CNTNAP3B: variants seen among roughly 807,000 people sequenced by gnomAD.
CNTNAP3B encodes the protein contactin associated protein family member 3B, also known as contactin-associated protein-like 3B.
CNTNAP3B carries 25 observed loss-of-function variants against 108.9 expected under a neutral mutation model. The ratio of observed to expected loss-of-function variants is 0.23; its 90% CI spans 0.17 to 0.32. CNTNAP3B has a LOEUF of 0.32. Ranked by LOEUF, CNTNAP3B falls within the 10% of genes least tolerant of loss-of-function variation. The pLI is 1.00. For missense variants in CNTNAP3B, 252 were observed against 1,210.4 expected (o/e 0.21, Z 11.75); for synonymous variants, 103 against 473.4 (o/e 0.22, Z 10.16).
At chr9:41,933,209 C>G (rs1269984190) in intron 14 of CNTNAP3B, among the ~76,000 whole-genome samples, 1 of 152,336 alleles carries the variant, frequency 6.6e-6, no homozygotes, top group East Asian at 1.9e-4. Context: ...ATATTTTGGG[C>G]TAATTTTTTT....
rs1470658892 is a variant in CNTNAP3B at position 41,944,668 on chromosome 9, A to G, written c.2081-6268T>C. 5.3e-5 allele frequency among the ~76,000 whole-genome samples: 8 copies of G among 151,788 alleles called. No homozygotes were observed. In the East Asian group the frequency reaches 9.8e-4, roughly 19 times the overall value. On this transcript the variant is annotated intron_variant, in intron 13 of 23. Coordinates refer to ENST00000377561, the MANE Select transcript of CNTNAP3B (RefSeq NM_001201380.3). ...GCAACAAATAAAAAAGAGTTACAAT[A>G]TGGCAAATATTAATCCAAGTATCAA...
rs540003985 is a variant in CNTNAP3B at position 41,991,115 on chromosome 9, G to A, written c.1333+495C>T. Among the ~76,000 whole-genome samples, 7 of 129,120 alleles carry A rather than the reference G, an allele frequency of 5.4e-5. 2 individuals carry two copies. In the East Asian group the frequency reaches 7.5e-4, roughly 14 times the overall value. 84.7% of individuals were successfully genotyped at this position (129,120 alleles called of 152,430 possible). ...AGGGTGCCCGGCTATCCCAGAAAACGAATCAGCCATCAACGAAAGAATAAG... is the reference window on the plus strand; with the variant it reads ...AGGGTGCCCGGCTATCCCAGAAAACAAATCAGCCATCAACGAAAGAATAAG... On this transcript the variant is annotated intron_variant, in intron 8 of 23. Transcript: ENST00000377561.
At chr9:41,970,901 C>A (rs1168410739) in intron 9 of CNTNAP3B, among the ~76,000 whole-genome samples, 1 of 148,484 alleles carries the variant, frequency 6.7e-6, no homozygotes, top group Non-Finnish European at 1.5e-5. Context: ...TTAACAACAA[C>A]ACAAAAAGTA....
At chr9:42,028,876 C>T (rs1826458130) in intron 3 of CNTNAP3B, among the ~76,000 whole-genome samples, 1 of 151,818 alleles carries the variant, frequency 6.6e-6, no homozygotes, top group Non-Finnish European at 1.5e-5. Context: ...GGCTAACCTC[C>T]ACCAAATTGT....
intron 3 of CNTNAP3B, among the ~76,000 whole-genome samples, chr9:42,024,150 G>A (rs1376283937): frequency 1.5e-5 from 2 of 132,688 alleles, no homozygotes; most frequent in Non-Finnish European, 3.2e-5. Context: ...TAATGTAGAA[G>A]CATTACAAAC....
At chr9:41,920,770 G>A (rs1025706171) in intron 17 of CNTNAP3B, among the ~76,000 whole-genome samples, 1 of 152,312 alleles carries the variant, frequency 6.6e-6, no homozygotes, top group Non-Finnish European at 1.5e-5. Flanking sequence ...AATATATATG[G>A]ATAAATTTCT....
At chr9:42,114,718 G>A (rs1272785616) in intron 1 of CNTNAP3B, among the ~76,000 whole-genome samples, 2 of 123,902 alleles carry the variant, frequency 1.6e-5, no homozygotes, top group African/African-American at 7.0e-5. Flanking sequence ...AATGTGAAAA[G>A]CTACCCAAAT....
At chr9:41,935,414 C>T (rs1337915701) in intron 14 of CNTNAP3B, among the ~76,000 whole-genome samples, 254 of 152,328 alleles carry the variant, frequency 1.7e-3, no homozygotes, top group African/African-American at 5.9e-3. Context: ...ATAAACTTTC[C>T]ACCAGGAAAA....
rs554190060 is a variant in CNTNAP3B at position 42,075,401 on chromosome 9, C to T, written c.390+1468G>A. The stretch of plus-strand genomic sequence containing the variant: ...TTTGAAAGGAAGCTCACACTGTGAG[C>T]GGGCACCAGGAAAGTAAATCACTTG... On this transcript the variant is annotated intron_variant, in intron 3 of 23. Coordinates refer to ENST00000377561, the MANE Select transcript of CNTNAP3B (RefSeq NM_001201380.3). Among the ~76,000 whole-genome samples, 53 of 129,316 alleles carry T rather than the reference C, an allele frequency of 4.1e-4. 7 individuals carry two copies. The highest frequency in any genetic ancestry group is 1.6e-3 in the Admixed American group (21 of 12,970). The allele number at this position is 129,316 out of a possible 152,430, so 84.8% of individuals were successfully genotyped here.
intron 1 of CNTNAP3B, among the ~76,000 whole-genome samples, chr9:42,115,926 T>C (rs1309228019): frequency 7.7e-6 from 1 of 130,576 alleles, no homozygotes; most frequent in Non-Finnish European, 1.6e-5. Flanking sequence ...TTCTCCGAGC[T>C]AAAGGAGGAT....
chr9:42,108,355 CT>C (rs1204549459), intron 1 of CNTNAP3B, among the ~76,000 whole-genome samples: 1 of 137,122 alleles, frequency 7.3e-6, no homozygotes, highest in Admixed American at 7.3e-5. Context: ...TATTGTTCTC[CT>C]AGAAGATCAT....
intron 14 of CNTNAP3B, among the ~76,000 whole-genome samples, chr9:41,934,849 C>T (rs1181929679): frequency 9.8e-5 from 15 of 152,368 alleles, no homozygotes; most frequent in East Asian, 9.6e-4. Flanking sequence ...ATTATTTGTA[C>T]ACTAGTATGC....
intron 3 of CNTNAP3B, among the ~76,000 whole-genome samples, chr9:42,067,986 A>G (rs2118588338): frequency 7.2e-6 from 1 of 138,302 alleles, no homozygotes; most frequent in Admixed American, 7.2e-5. Flanking sequence ...ATAATTTATC[A>G]CTATAGCCAA....
At chr9:41,958,140 C>A (rs1824929468) in intron 12 of CNTNAP3B, among the ~76,000 whole-genome samples, 1 of 152,168 alleles carries the variant, frequency 6.6e-6, no homozygotes, top group Non-Finnish European at 1.5e-5. Flanking sequence ...CAAGGTCTTT[C>A]TCTGTTGCCC....
chr9:42,126,495 C>T (rs1373192289), intron 1 of CNTNAP3B, among the ~76,000 whole-genome samples: 1 of 138,066 alleles, frequency 7.2e-6, no homozygotes, highest in Admixed American at 7.2e-5. Flanking sequence ...AAAGCTTTCC[C>T]ATGTATTTGT....
chr9:41,921,419 C>A (rs1476209170), intron 17 of CNTNAP3B, among the ~76,000 whole-genome samples: 1 of 151,518 alleles, frequency 6.6e-6, no homozygotes, highest in African/African-American at 2.4e-5. Flanking sequence ...CCATCCACAT[C>A]CACATACATA....
intron 17 of CNTNAP3B, among the ~76,000 whole-genome samples, chr9:41,921,493 TG>T: frequency 6.7e-6 from 1 of 149,338 alleles, no homozygotes; most frequent in Non-Finnish European, 1.5e-5. Context: ...TAAATTAGGT[TG>T]GGTGATAATT....
chr9:42,117,656 G>T (rs1194028420), intron 1 of CNTNAP3B, among the ~76,000 whole-genome samples: 2 of 135,760 alleles, frequency 1.5e-5, no homozygotes, highest in Non-Finnish European at 3.1e-5. Flanking sequence ...GCTAGCAGAA[G>T]GCAAGAAATA....
intron 1 of CNTNAP3B, among the ~76,000 whole-genome samples, chr9:42,125,665 G>GTTTTTGT (rs1828552443): frequency 1.7e-5 from 2 of 118,978 alleles, no homozygotes; most frequent in South Asian, 5.4e-4. Context: ...TACATTTTTT[G>GTTTTTGT]TTTTTTTTTT....
Sources: allele counts gnomAD v4.1 joint callset (sites outside exome capture counted in the v4.1 genomes callset), GRCh38; gene constraint gnomAD v4.1.1; transcripts MANE v1.5; gene names NCBI Gene and HGNC (gene_info 2026-07-23, HGNC 2026-07-21).